The following OPCML variants were observed in gnomAD, a reference collection of about 807,000 sequenced individuals.
OPCML encodes the protein opioid binding protein/cell adhesion molecule like.
In OPCML, 13 loss-of-function variants were observed where a neutral mutation model predicts 37.8. The observed-to-expected ratio is 0.34, with a 90% CI of 0.22 to 0.55. OPCML has a LOEUF of 0.55. Among genes scored for constraint, OPCML ranks in the 20% least tolerant of loss-of-function variants. The pLI is 0.91. For synonymous variants in OPCML, 176 were observed against 168.8 expected (o/e 1.04, Z -0.33); for missense variants, 341 against 435.6 (o/e 0.78, Z 1.93).
chr11:132,534,664 A>G (rs986279975), intron 3 of OPCML, among the ~76,000 whole-genome samples: 1 of 152,194 alleles, frequency 6.6e-6, no homozygotes, highest in Non-Finnish European at 1.5e-5. Context: ...CCAGTTCTGA[A>G]GTCCAATAGA....
chr11:133,038,612 A>G (rs2136939681), intron 1 of OPCML, among the ~76,000 whole-genome samples: 1 of 152,274 alleles, frequency 6.6e-6, no homozygotes, highest in Admixed American at 6.5e-5. Context: ...AGGGATCATT[A>G]TTATCCCCCA....
chr11:132,657,136 C>T lies in OPCML; in HGVS notation c.330G>A (p.Val110=). The change falls in exon 3 of 8, where the codon GTG becomes GTA. Residue 110 remains valine, a synonymous_variant. Coordinates refer to ENST00000524381, the MANE Select transcript of OPCML (RefSeq NM_001012393.5). ...ACGTTTTGGGATGATTGTCTGTCTG[C>T]ACAGAGCAGGTGTACGGACCTTCGT... ...VYDEGPYTCS[V]QTDNHPKTSR... 6.2e-7 allele frequency: 1 copy of T among 1,614,240 alleles called. No homozygotes were observed. Among genetic ancestry groups the T allele is most frequent in the Non-Finnish European group, 8.5e-7 (1 of 1,180,040 alleles).
chr11:132,507,607 A>T (rs193278583), intron 4 of OPCML, among the ~76,000 whole-genome samples: 30,189 of 151,526 alleles, frequency 0.2, 3,074 homozygotes, highest in Non-Finnish European at 0.22. Flanking sequence ...AATTTTTTTT[A>T]AAATTGCCAA....
At chr11:133,404,036 A>G (rs948393375) in intron 1 of OPCML, among the ~76,000 whole-genome samples, 2 of 152,204 alleles carry the variant, frequency 1.3e-5, no homozygotes, top group Non-Finnish European at 2.9e-5. Context: ...TTGTTTGCAG[A>G]GTTGGCTCCC....
chr11:133,204,850 T>TTATATATATATATGTGTATA (rs1938960469), intron 1 of OPCML, among the ~76,000 whole-genome samples: 3 of 123,618 alleles, frequency 2.4e-5, no homozygotes, highest in South Asian at 2.9e-4. Flanking sequence ...TTGTGATCTA[T>TTATATATATATATGTGTATA]TATATATATA....
At chr11:132,430,777 C>A (rs759247597) in intron 7 of OPCML, among the ~76,000 whole-genome samples, 2 of 152,162 alleles carry the variant, frequency 1.3e-5, no homozygotes, top group Non-Finnish European at 2.9e-5. Flanking sequence ...GCTTTGTTTG[C>A]GTTCTCTCTC....
chr11:133,186,581 C>T (rs959775061), intron 1 of OPCML, among the ~76,000 whole-genome samples: 14 of 152,100 alleles, frequency 9.2e-5, no homozygotes, highest in Non-Finnish European at 1.9e-4. Flanking sequence ...CACTCACCTC[C>T]TCGCTATTCT....
chr11:132,552,763 C>CTGTTTTTTTTTTTTTTT (rs2096384996), intron 3 of OPCML, among the ~76,000 whole-genome samples: 1 of 92,802 alleles, frequency 1.1e-5, no homozygotes, highest in Non-Finnish European at 2.0e-5. Flanking sequence ...AAACACTACT[C>CTGTTTTTTTTTTTTTTT]TTTTTTTTTT....
chr11:132,677,832 CTT>C (rs150385039), intron 2 of OPCML, among the ~76,000 whole-genome samples: 257 of 152,220 alleles, frequency 1.7e-3, no homozygotes, highest in African/African-American at 6.0e-3. Context: ...TCTAGACAAA[CTT>C]AGGTTTGGCA....
At chr11:132,738,693 C>T (rs184161362) in intron 2 of OPCML, among the ~76,000 whole-genome samples, 6 of 152,248 alleles carry the variant, frequency 3.9e-5, no homozygotes, top group East Asian at 1.9e-4. Flanking sequence ...TAGTTACTTA[C>T]GGCTCCTGGT....
At chr11:132,673,054 T>C (rs1942545912) in intron 2 of OPCML, among the ~76,000 whole-genome samples, 1 of 152,160 alleles carries the variant, frequency 6.6e-6, no homozygotes, top group Non-Finnish European at 1.5e-5. Context: ...GACCTGTTGA[T>C]ACTTCTAAGT....
chr11:133,076,268 C>T (rs1388069947), intron 1 of OPCML, among the ~76,000 whole-genome samples: 5 of 152,112 alleles, frequency 3.3e-5, no homozygotes, highest in African/African-American at 1.2e-4. Flanking sequence ...TCTATATTAA[C>T]TTTTCTAAAT....
At chr11:133,003,910 G>T (rs76820829) in intron 1 of OPCML, 98 of 985,294 alleles carry the variant, frequency 9.9e-5, no homozygotes, top group Non-Finnish European at 1.2e-4. Flanking sequence ...CGCCAATCCC[G>T]GTGGGGCTTC....
At chr11:132,739,517 C>A (rs943314342) in intron 2 of OPCML, among the ~76,000 whole-genome samples, 3 of 152,128 alleles carry the variant, frequency 2.0e-5, no homozygotes, top group Non-Finnish European at 4.4e-5. Flanking sequence ...CAGCTATAGC[C>A]AAGAAAAGTA....
At chr11:133,000,612 G>A (rs529279337) in intron 1 of OPCML, among the ~76,000 whole-genome samples, 4 of 152,306 alleles carry the variant, frequency 2.6e-5, no homozygotes, top group African/African-American at 7.2e-5. Context: ...TCCAGGAAGT[G>A]TGCAGAGATC....
chr11:132,416,005 G>T lies in OPCML; in HGVS notation c.*4188C>A, dbSNP rs1293888775. 1 of 152,574 alleles carries T rather than the reference G, an allele frequency of 6.6e-6. No individual in the cohort carries two copies. The highest frequency in any genetic ancestry group is 2.4e-5 in the African/African-American group (1 of 41,440). 9.5% of individuals were successfully genotyped at this position (152,574 alleles called of 1,614,324 possible). A position where few individuals can be genotyped will look rare whatever the true frequency, so the allele number is the denominator to read the frequency against. On this transcript the variant is annotated 3_prime_UTR_variant, in exon 8 of 8. Coordinates refer to ENST00000524381, the MANE Select transcript of OPCML (RefSeq NM_001012393.5). The stretch of plus-strand genomic sequence containing the variant: ...AAACTTATTTGTCTTCAAGTAAAAA[G>T]ACAGGGAAGCTCTGAATAATAGGAG...
intron 1 of OPCML, among the ~76,000 whole-genome samples, chr11:133,094,532 T>C (rs1280815804): frequency 6.6e-6 from 1 of 152,212 alleles, no homozygotes; most frequent in Admixed American, 6.5e-5. Flanking sequence ...GTATTACTGA[T>C]GTTTTTACAA....
intron 1 of OPCML, among the ~76,000 whole-genome samples, chr11:133,452,212 A>C (rs539833510): frequency 2.0e-4 from 30 of 151,836 alleles, no homozygotes; most frequent in African/African-American, 7.1e-4. Context: ...GTATTTTAAT[A>C]GTAGTTATTA....
chr11:133,073,576 C>A (rs947317791), intron 1 of OPCML, among the ~76,000 whole-genome samples: 1 of 152,362 alleles, frequency 6.6e-6, no homozygotes, highest in East Asian at 1.9e-4. Context: ...ACTGCAGGCT[C>A]CTTGGGGGTA....
Sources: gnomAD v4.1 joint callset for allele counts (sites outside exome capture counted in the v4.1 genomes callset) on GRCh38, gnomAD v4.1.1 for gene constraint, MANE v1.5 for transcripts, NCBI Gene and HGNC (gene_info 2026-07-23, HGNC 2026-07-21) for gene names.